NBPF26: variants seen among roughly 807,000 people sequenced by gnomAD.
The protein encoded by NBPF26 is NBPF member 26.
Under a neutral mutation model 119.6 loss-of-function variants are expected in NBPF26, and 79 were observed. The ratio of observed to expected loss-of-function variants is 0.66; its 90% confidence interval spans 0.55 to 0.80. NBPF26 has a LOEUF of 0.80. Ranked by LOEUF, NBPF26 falls within the 30% of genes least tolerant of loss-of-function variation. NBPF26 has a pLI of 0.00. For missense variants in NBPF26, 800 were observed against 1,198.2 expected (o/e 0.67, Z 4.91); for synonymous variants, 299 against 457.7 (o/e 0.65, Z 4.43).
At chr1:120,767,742 T>C (rs1228766177) in intron 2 of NBPF26, among the ~76,000 whole-genome samples, 1 of 116,238 alleles carries the variant, frequency 8.6e-6, no homozygotes, top group East Asian at 2.1e-4. Flanking sequence ...TGTTGTTTGC[T>C]TCAGACTTTC....
chr1:120,819,085 A>C (rs1206686470), intron 15 of NBPF26, among the ~76,000 whole-genome samples: 1 of 124,550 alleles, frequency 8.0e-6, no homozygotes, highest in Non-Finnish European at 1.6e-5. Context: ...GGGGTGTTAA[A>C]GTCTCCCATG....
At position 120,727,405 on chromosome 1, in the gene NBPF26, T is replaced by A. The variant is rs1650827292; in HGVS notation, c.73+3155T>A. Among the ~76,000 whole-genome samples, 2 of 116,862 alleles carry A rather than the reference T, an allele frequency of 1.7e-5. 1 individual carries two copies. Among genetic ancestry groups the A allele is most frequent in the African/African-American group, 1.0e-4 (2 of 19,780 alleles). The allele number at this position is 116,862 out of a possible 152,430, so 76.7% of individuals were successfully genotyped here. A position where few individuals can be genotyped will look rare whatever the true frequency, so the allele number is the denominator to read the frequency against. On this transcript the variant is annotated intron_variant, in intron 1 of 29. Coordinates refer to ENST00000620612, the Ensembl canonical transcript of NBPF26. Reference sequence around the variant, plus strand: ...TTTAACGCTTCTGACTCAAGAATTTTAAAATTGCTAACATAAGAGATATAG... The same window carrying A: ...TTTAACGCTTCTGACTCAAGAATTTAAAAATTGCTAACATAAGAGATATAG...
chr1:120,804,226 C>T (rs1388536868), intron 4 of NBPF26, among the ~76,000 whole-genome samples: 1 of 77,754 alleles, frequency 1.3e-5, no homozygotes, highest in South Asian at 3.5e-4. Context: ...AAGTTCCAGG[C>T]TCACAAAACG....
chr1:120,819,367 G>A (rs1177025382), intron 15 of NBPF26, among the ~76,000 whole-genome samples: 1 of 111,440 alleles, frequency 9.0e-6, no homozygotes. Context: ...TTGAGCCTAT[G>A]TGTGTCTCTG....
rs1472765274 is a variant in NBPF26 at position 120,752,548 on chromosome 1, ATATATATTT to A, written c.74-11078_74-11070del. The stretch of plus-strand genomic sequence containing the variant: ...TATATATATATATATATATATATAT[ATATATATTT>A]TTTTTTTTTTTTTTTTTCTTTTTTT... On this transcript the variant is annotated intron_variant, in intron 1 of 29. Transcript: ENST00000620612. 8.0e-4 allele frequency among the ~76,000 whole-genome samples: 9 copies of A among 11,270 alleles called. No individual in the cohort carries two copies. In the East Asian group the frequency reaches 0.014, roughly 18 times the overall value. 7.4% of individuals were successfully genotyped at this position (11,270 alleles called of 152,430 possible). A position where few individuals can be genotyped will look rare whatever the true frequency, so the allele number is the denominator to read the frequency against.
At chr1:120,812,803 A>G (rs1168181965) in intron 10 of NBPF26, among the ~76,000 whole-genome samples, 3 of 95,296 alleles carry the variant, frequency 3.1e-5, no homozygotes, top group Non-Finnish European at 5.8e-5. Flanking sequence ...GGTGACTGTA[A>G]TCACCCCTGC....
rs1261288575 is a variant in NBPF26, at chr1:120,791,548, CA to C, written c.416-1607del. Among the ~76,000 whole-genome samples, 4 of 64,796 alleles carry C rather than the reference CA, an allele frequency of 6.2e-5. 1 individual carries two copies. The highest frequency in any genetic ancestry group is 3.0e-4 in the African/African-American group (2 of 6,704). 42.5% of individuals were successfully genotyped at this position (64,796 alleles called of 152,430 possible). A position where few individuals can be genotyped will look rare whatever the true frequency, so the allele number is the denominator to read the frequency against. On this transcript the variant is annotated intron_variant, in intron 3 of 29. Coordinates refer to ENST00000620612, the Ensembl canonical transcript of NBPF26. ...CATTCTCAGCAAACTATTGCAAGGACAAAAAACCAAACACCGCATGTTCTCA... is the reference window on the plus strand; with the variant it reads ...CATTCTCAGCAAACTATTGCAAGGACAAAAACCAAACACCGCATGTTCTCA...
chr1:120,813,383 C>T (rs1209406477), intron 10 of NBPF26, among the ~76,000 whole-genome samples: 1 of 127,510 alleles, frequency 7.8e-6, no homozygotes, highest in Non-Finnish European at 1.6e-5. Context: ...CTTTATGCTT[C>T]AGATATGATT....
rs1341402573 is a variant in NBPF26 at position 120,778,394 on chromosome 1, G to C, written c.156-6580G>C. ...TCTGCTGGAAACTAGCCCAGAGGGA[G>C]TAAAGAGGAGCTTTAATGAGGAGCA... On this transcript the variant is annotated intron_variant, in intron 2 of 29. Transcript: ENST00000620612. 3.7e-5 allele frequency among the ~76,000 whole-genome samples: 4 copies of C among 109,226 alleles called. 1 individual carries two copies. Among genetic ancestry groups the C allele is most frequent in the Non-Finnish European group, 6.8e-5 (4 of 58,640 alleles). The allele number at this position is 109,226 out of a possible 152,430, so 71.7% of individuals were successfully genotyped here.
chr1:120,815,596 C>T (rs1651991459), intron 12 of NBPF26, among the ~76,000 whole-genome samples: 1 of 95,416 alleles, frequency 1.0e-5, no homozygotes. Context: ...GTAGGAAGTG[C>T]TTCAGACTGG....
chr1:120,793,131 C>G, intron 3 of NBPF26, 30 bp from the exon 4 acceptor site: 1 of 979,108 alleles, frequency 1.0e-6, no homozygotes, highest in South Asian at 1.4e-5. Context: ...TTTCTGTGGC[C>G]AGTACTGAGT....
Position 120,805,711 on chromosome 1 carries a change from A to T in NBPF26, c.907A>T (p.Lys303Ter), listed in dbSNP as rs1651665829. ...ACAGCAGTTGAGAAACCTCAAAGAG[A>T]AATGTTTTCTAACTCAACTGGCCGG... The change falls in exon 5 of 30, where the codon AAA (lysine) becomes TAA (stop). Residue 303 changes from lysine to a stop codon, truncating the protein, a stop_gained. Transcript: ENST00000620612. LOFTEE classifies it high-confidence loss of function. 1.4e-6 allele frequency: 2 copies of T among 1,454,086 alleles called. No homozygotes were observed. Among genetic ancestry groups the T allele is most frequent in the Admixed American group, 3.7e-5 (2 of 54,448 alleles). The allele number at this position is 1,454,086 out of a possible 1,614,324, so 90.1% of individuals were successfully genotyped here.
rs1367799012 is a variant in NBPF26, at chr1:120,728,727, T to C, written c.73+4477T>C. On this transcript the variant is annotated intron_variant, in intron 1 of 29. Transcript: ENST00000620612. ...ACTAAGTTTATATTTATTTTGATAA[T>C]TTTTTTGAGATTTTTTTCATTGAGT... Among the ~76,000 whole-genome samples the C allele has an allele frequency of 9.4e-5, 11 of 117,552 alleles. 1 individual carries two copies. Among genetic ancestry groups the C allele is most frequent in the Non-Finnish European group, 1.8e-4 (11 of 61,304 alleles). The allele number at this position is 117,552 out of a possible 152,430, so 77.1% of individuals were successfully genotyped here.
chr1:120,728,941 C>T (rs1158141661), intron 1 of NBPF26, among the ~76,000 whole-genome samples: 6 of 112,504 alleles, frequency 5.3e-5, no homozygotes, highest in Non-Finnish European at 1.0e-4. Context: ...GATTTTGATC[C>T]TTGAGGGCCA....
chr1:120,745,810 C>A (rs1219073129), intron 1 of NBPF26, among the ~76,000 whole-genome samples: 10 of 33,238 alleles, frequency 3.0e-4, no homozygotes, highest in Admixed American at 1.2e-3. Context: ...AGAGAGACTG[C>A]ATCTCAAAAA....
At chr1:120,819,265 T>C (rs1652080102) in intron 15 of NBPF26, among the ~76,000 whole-genome samples, 1 of 118,590 alleles carries the variant, frequency 8.4e-6, no homozygotes, top group African/African-American at 4.6e-5. Flanking sequence ...TCTTTGTTGG[T>C]TTAAAGTCTG....
intron 9 of NBPF26, among the ~76,000 whole-genome samples, chr1:120,811,491 G>A (rs1651864675): frequency 8.9e-6 from 1 of 112,800 alleles, no homozygotes; most frequent in South Asian, 2.5e-4. Flanking sequence ...GTGGCAGTGA[G>A]CTGAGATTGT....
intron 5 of NBPF26, 146 bp from the exon 6 acceptor site, chr1:120,807,459 GAA>G (rs1239698107): frequency 2.1e-6 from 1 of 470,006 alleles, no homozygotes; most frequent in Non-Finnish European, 3.7e-6. Flanking sequence ...TCAGGAGACT[GAA>G]GAGTAAAGAT....
In NBPF26 at chr1:120,793,396, C is replaced by A; in HGVS notation, c.651C>A (p.Tyr217Ter). 2 of 1,439,512 alleles carry A rather than the reference C, an allele frequency of 1.4e-6. 1 individual carries two copies. Among genetic ancestry groups the A allele is most frequent in the East Asian group, 4.7e-5 (2 of 42,740 alleles). 89.2% of individuals were successfully genotyped at this position (1,439,512 alleles called of 1,614,324 possible). The change falls in exon 4 of 30, where the codon TAC becomes TAA. Residue 217 changes from tyrosine (Y) to a stop codon, truncating the protein, a stop_gained. Coordinates refer to ENST00000620612, the Ensembl canonical transcript of NBPF26. LOFTEE classifies it high-confidence loss of function. ...GCCTTCAGGGCTTCACAGGCCAGTA[C>A]TGTGACAGACTGTATGTGCCCTGTG...
Sources: allele counts gnomAD v4.1 joint callset (sites outside exome capture counted in the v4.1 genomes callset), GRCh38; gene constraint gnomAD v4.1.1; transcripts MANE v1.5; gene names NCBI Gene and HGNC (gene_info 2026-07-23, HGNC 2026-07-21).